Variants in ANKRD13C observed in about 807,000 individuals in gnomAD.
The protein encoded by ANKRD13C is ankyrin repeat domain 13C.
ANKRD13C carries 16 observed loss-of-function variants against 65.5 expected under a neutral mutation model. The ratio of observed to expected loss-of-function variants is 0.24; its 90% CI spans 0.17 to 0.37. ANKRD13C has a LOEUF of 0.37. ANKRD13C is among the 10% of genes least tolerant of loss of function. The pLI is 1.00. For missense variants in ANKRD13C, 503 were observed against 655.9 expected (o/e 0.77, Z 2.55); for synonymous variants, 235 against 238.7 (o/e 0.98, Z 0.14).
intron 2 of ANKRD13C, among the ~76,000 whole-genome samples, chr1:70,325,595 T>C (rs1185542099): frequency 1.3e-5 from 2 of 152,122 alleles, no homozygotes; most frequent in Non-Finnish European, 2.9e-5. Context: ...AAATAAAAAG[T>C]TGGCCGGGCG....
At position 70,354,625 on chromosome 1, in the gene ANKRD13C, A is replaced by G. The variant is rs1682920181; in HGVS notation, c.-217T>C. 7 of 1,147,076 alleles carry G rather than the reference A, an allele frequency of 6.1e-6. No homozygotes were observed. The highest frequency in any genetic ancestry group is 8.3e-6 in the Non-Finnish European group (7 of 838,622). The allele number at this position is 1,147,076 out of a possible 1,614,324, so 71.1% of individuals were successfully genotyped here. ...CGCGCGCTCGCTGGGGGAAGCTAGA[A>G]CTCAGGTGCCCACGACACCAGGATC... On this transcript the variant is annotated 5_prime_UTR_variant, in exon 1 of 13. Coordinates refer to ENST00000370944, the MANE Select transcript of ANKRD13C (RefSeq NM_030816.5).
intron 1 of ANKRD13C, among the ~76,000 whole-genome samples, chr1:70,337,541 A>G (rs1682094656): frequency 6.6e-6 from 1 of 152,102 alleles, no homozygotes; most frequent in African/African-American, 2.4e-5. Context: ...AGGTCACTCC[A>G]CTGCACTGCA....
intron 2 of ANKRD13C, among the ~76,000 whole-genome samples, chr1:70,327,759 A>G (rs1408685961): frequency 6.6e-6 from 1 of 152,178 alleles, no homozygotes; most frequent in Non-Finnish European, 1.5e-5. Context: ...TTCAAATGGT[A>G]TAACAACAAT....
At chr1:70,268,328 C>T (rs1678723431) in intron 12 of ANKRD13C, among the ~76,000 whole-genome samples, 1 of 152,092 alleles carries the variant, frequency 6.6e-6, no homozygotes, top group Admixed American at 6.6e-5. Context: ...CGCCACCACA[C>T]CTGGCTAATT....
At chr1:70,353,918 T>TG in intron 1 of ANKRD13C, 61 bp downstream of exon 1, 1 of 1,450,032 alleles carries the variant, frequency 6.9e-7, no homozygotes, top group East Asian at 2.5e-5. Context: ...TCCAGAAGCC[T>TG]GGGGAGGCAC....
At chr1:70,326,042 G>A (rs903354554) in intron 2 of ANKRD13C, among the ~76,000 whole-genome samples, 5 of 151,690 alleles carry the variant, frequency 3.3e-5, no homozygotes, top group Non-Finnish European at 7.4e-5. Flanking sequence ...GACCAGCCTA[G>A]CCAACATGGA....
intron 12 of ANKRD13C, among the ~76,000 whole-genome samples, chr1:70,267,059 T>G (rs1252188523): frequency 6.6e-6 from 1 of 152,208 alleles, no homozygotes; most frequent in Non-Finnish European, 1.5e-5. Context: ...GGATCTATTT[T>G]TCCTTTCCAT....
At chr1:70,289,349 CG>C (rs1254453789) in intron 9 of ANKRD13C, among the ~76,000 whole-genome samples, 1 of 152,066 alleles carries the variant, frequency 6.6e-6, no homozygotes, top group African/African-American at 2.4e-5. Flanking sequence ...AGTTGTCTAT[CG>C]TAAGTTTAAA....
intron 7 of ANKRD13C, among the ~76,000 whole-genome samples, chr1:70,297,652 A>G (rs1362951440): frequency 2.0e-5 from 3 of 148,186 alleles, no homozygotes; most frequent in Non-Finnish European, 3.0e-5. Flanking sequence ...TAGGTGGCTC[A>G]TGCCTGTAAT....
chr1:70,308,738 C>CA (rs781171233), intron 5 of ANKRD13C, among the ~76,000 whole-genome samples: 11,855 of 73,576 alleles, frequency 0.16, 797 homozygotes, highest in South Asian at 0.3. Context: ...GACTCCGTCT[C>CA]AAAAAAAAAA....
chr1:70,268,550 T>C (rs1678733359), intron 12 of ANKRD13C, among the ~76,000 whole-genome samples: 1 of 152,166 alleles, frequency 6.6e-6, no homozygotes, highest in South Asian at 2.1e-4. Flanking sequence ...GGGGCGCCAC[T>C]TCCAGTGAGA....
intron 3 of ANKRD13C, among the ~76,000 whole-genome samples, chr1:70,320,587 G>A (rs1681263532): frequency 1.3e-5 from 2 of 151,868 alleles, no homozygotes; most frequent in Non-Finnish European, 2.9e-5. Context: ...CACCTGTCTC[G>A]GCCTCCCAAA....
At chr1:70,330,605 CATTAATAAG>C (rs1681750436) in intron 2 of ANKRD13C, among the ~76,000 whole-genome samples, 1 of 133,552 alleles carries the variant, frequency 7.5e-6, no homozygotes, top group African/African-American at 2.8e-5. Context: ...AGAAATCACA[CATTAATAAG>C]TAAGAACTAT....
At chr1:70,350,495 G>A (rs915547478) in intron 1 of ANKRD13C, among the ~76,000 whole-genome samples, 30 of 152,306 alleles carry the variant, frequency 2.0e-4, no homozygotes, top group Admixed American at 5.9e-4. Context: ...GGACAAAGTA[G>A]CCCATTTATT....
chr1:70,306,565 C>A (rs1329004122), intron 5 of ANKRD13C, among the ~76,000 whole-genome samples: 1 of 152,160 alleles, frequency 6.6e-6, no homozygotes, highest in Non-Finnish European at 1.5e-5. Context: ...CACTCAGGTA[C>A]AGACTGCATA....
chr1:70,332,599 G>A (rs1456139659), intron 2 of ANKRD13C, among the ~76,000 whole-genome samples: 1 of 152,034 alleles, frequency 6.6e-6, no homozygotes, highest in Non-Finnish European at 1.5e-5. Flanking sequence ...CCAAATAGTT[G>A]GGATTACAGG....
intron 8 of ANKRD13C, among the ~76,000 whole-genome samples, chr1:70,295,129 T>C (rs1558279231): frequency 6.6e-6 from 1 of 152,136 alleles, no homozygotes; most frequent in Admixed American, 6.5e-5. Flanking sequence ...TAAAAATAAA[T>C]ATAATTTTTA....
At chr1:70,325,556 T>C (rs1681497639) in intron 2 of ANKRD13C, among the ~76,000 whole-genome samples, 1 of 152,172 alleles carries the variant, frequency 6.6e-6, no homozygotes. Context: ...GACCTTTCTA[T>C]AGGTTGAGAA....
intron 2 of ANKRD13C, among the ~76,000 whole-genome samples, chr1:70,331,845 GAACACTA>G (rs1681819546): frequency 7.8e-6 from 1 of 128,752 alleles, no homozygotes; most frequent in Non-Finnish European, 1.7e-5. Context: ...AAAAAAAAAG[GAACACTA>G]AGTATAAAGT....
Sources: gnomAD v4.1 joint callset for allele counts (sites outside exome capture counted in the v4.1 genomes callset) on GRCh38, gnomAD v4.1.1 for gene constraint, MANE v1.5 for transcripts, NCBI Gene and HGNC (gene_info 2026-07-23, HGNC 2026-07-21) for gene names.